The following TSC22D3 variants were observed in gnomAD, a reference collection of about 807,000 sequenced individuals.
TSC22D3 encodes TSC22 domain family member 3.
TSC22D3 carries 4 observed loss-of-function variants against 11.1 expected under a neutral mutation model. The observed-to-expected ratio is 0.36, with a 90% confidence interval of 0.18 to 0.83. The LOEUF (loss-of-function observed/expected upper bound fraction) is 0.83, where lower values mean the gene tolerates loss of function less well. Ranked by LOEUF, TSC22D3 falls within the 40% of genes least tolerant of loss-of-function variation. The pLI, the probability that TSC22D3 is intolerant of heterozygous loss-of-function variation, is 0.48. For missense variants in TSC22D3, 118 were observed against 159.4 expected, an observed-to-expected ratio of 0.74 and a Z score of 1.40; for synonymous variants, 77 against 70.3, an observed-to-expected ratio of 1.10 and a Z score of -0.48.
chrX:107,716,978 C>T (rs938198651), intron 1 of TSC22D3: 6 of 1,049,231 alleles, frequency 5.7e-6, no homozygotes, highest in East Asian at 3.7e-5. Context: ...CAAGCAGGCG[C>T]TCCAGCTGGA....
At chrX:107,716,547 C>A in intron 1 of TSC22D3, 13 of 447,745 alleles carry the variant, frequency 2.9e-5, no homozygotes, top group Non-Finnish European at 3.7e-5. Flanking sequence ...TTCCTGCGTC[C>A]CCTCCCCCCC....
At chrX:107,745,655 T>G (rs1928615246) in intron 1 of TSC22D3, among the ~76,000 whole-genome samples, 1 of 112,763 alleles carries the variant, frequency 8.9e-6, no homozygotes, top group Non-Finnish European at 1.9e-5. Flanking sequence ...AAAAGTAGCC[T>G]GCGACCTATA....
intron 1 of TSC22D3, among the ~76,000 whole-genome samples, chrX:107,752,016 A>G (rs1158366604): frequency 8.9e-6 from 1 of 112,591 alleles, no homozygotes; most frequent in Non-Finnish European, 1.9e-5. Context: ...TCACATTCGC[A>G]TTAGCAGAAA....
chrX:107,775,488 T>C lies in TSC22D3; in HGVS notation c.-69A>G. On this transcript the variant is annotated 5_prime_UTR_variant, in exon 1 of 3. Transcript: ENST00000372383. ...GCTGGCAGGTGCGCGCCCACCGAGC[T>C]GGCCTGAGGGGACTCCAGGGTGCCT... is the stretch of plus-strand genomic sequence containing the variant. 1.1e-6 allele frequency: 1 copy of C among 914,262 alleles called. No homozygotes were observed. 75.3% of individuals were successfully genotyped at this position (914,262 alleles called of 1,213,427 possible).
chrX:107,774,103 A>T (rs932918515), intron 1 of TSC22D3, among the ~76,000 whole-genome samples: 5 of 111,421 alleles, frequency 4.5e-5, no homozygotes, highest in African/African-American at 1.6e-4. Flanking sequence ...CTCTTACATA[A>T]CCTGTGTTGT....
At chrX:107,766,452 GCC>G (rs111524433) in intron 1 of TSC22D3, among the ~76,000 whole-genome samples, 6,970 of 77,429 alleles carry the variant, frequency 0.09, 361 homozygotes, top group African/African-American at 0.18. Context: ...TGGAGTTTCC[GCC>G]CCCCCCCCAA....
At chrX:107,716,358 T>A in intron 1 of TSC22D3, 1 of 915,917 alleles carries the variant, frequency 1.1e-6, no homozygotes, top group Non-Finnish European at 1.3e-6. Flanking sequence ...GCTGGTAAGC[T>A]TCCGGCCTTC....
At chrX:107,736,552 C>T (rs777807072) in intron 1 of TSC22D3, among the ~76,000 whole-genome samples, 9 of 111,797 alleles carry the variant, frequency 8.1e-5, no homozygotes, top group South Asian at 3.7e-4. Context: ...ACTTAACAGA[C>T]GAGAAAACTG....
chrX:107,774,158 G>T (rs1177628433), intron 1 of TSC22D3, among the ~76,000 whole-genome samples: 1 of 111,720 alleles, frequency 9.0e-6, no homozygotes, highest in Non-Finnish European at 1.9e-5. Context: ...CACACATGTT[G>T]GTGCCCTATC....
At chrX:107,767,066 T>A (rs1315196507) in intron 1 of TSC22D3, among the ~76,000 whole-genome samples, 5 of 110,834 alleles carry the variant, frequency 4.5e-5, no homozygotes, top group African/African-American at 9.9e-5. Context: ...ACCCCCTTCT[T>A]CCTTAGGGAT....
chrX:107,756,159 A>G (rs2147777765), intron 1 of TSC22D3, among the ~76,000 whole-genome samples: 1 of 112,170 alleles, frequency 8.9e-6, no homozygotes, highest in East Asian at 2.8e-4. Context: ...GTCTGCTAAC[A>G]CACAGTGTAG....
intron 1 of TSC22D3, among the ~76,000 whole-genome samples, chrX:107,750,156 T>C (rs1928871157): frequency 9.0e-6 from 1 of 111,165 alleles, no homozygotes; most frequent in Non-Finnish European, 1.9e-5. Flanking sequence ...AGCAACATAA[T>C]AATAAAAATG....
intron 1 of TSC22D3, among the ~76,000 whole-genome samples, chrX:107,758,879 AT>A (rs763604179): frequency 0.019 from 1,991 of 105,283 alleles, 41 homozygotes; most frequent in African/African-American, 0.063. Context: ...ATCATCCTTG[AT>A]TTTTTTTTTT....
chrX:107,744,129 G>C (rs944863180), intron 1 of TSC22D3, among the ~76,000 whole-genome samples: 2 of 111,930 alleles, frequency 1.8e-5, no homozygotes, highest in African/African-American at 6.5e-5. Flanking sequence ...CAATCAGGTC[G>C]ATCGATTTAA....
chrX:107,716,527 G>GA, intron 1 of TSC22D3: 1 of 1,006,085 alleles, frequency 9.9e-7, no homozygotes, highest in Non-Finnish European at 1.3e-6. Context: ...GAGCGGCGGT[G>GA]ACCCCCCCCT....
chrX:107,730,048 CA>C (rs1927813603), intron 1 of TSC22D3, among the ~76,000 whole-genome samples: 1 of 112,559 alleles, frequency 8.9e-6, no homozygotes, highest in South Asian at 3.6e-4. Flanking sequence ...CAAATAATAT[CA>C]GCAGCTCCCA....
intron 1 of TSC22D3, among the ~76,000 whole-genome samples, chrX:107,772,997 C>T (rs767815170): frequency 8.9e-6 from 1 of 112,734 alleles, no homozygotes; most frequent in Non-Finnish European, 1.9e-5. Flanking sequence ...TGGTTTTGAA[C>T]GCTGAGTGAG....
chrX:107,746,146 T>C (rs1928641593), intron 1 of TSC22D3, among the ~76,000 whole-genome samples: 1 of 111,631 alleles, frequency 9.0e-6, no homozygotes, highest in South Asian at 3.8e-4. Context: ...CAATTCTCAC[T>C]GGTGGAGTCA....
chrX:107,734,299 T>C lies in TSC22D3; in HGVS notation c.321-18349A>G, dbSNP rs188956441. Among the ~76,000 whole-genome samples, 4 of 112,590 alleles carry C rather than the reference T, an allele frequency of 3.6e-5. No homozygotes were observed. The East Asian group carries it at 1.1e-3, about 31-fold the overall frequency. On this transcript the variant is annotated intron_variant, in intron 1 of 2. Transcript: ENST00000372383. ...CCTATACACAGTGATGACATTCTCC[T>C]TGGCTGGAACATCTCTTGCTCTGAA...
Sources: allele counts gnomAD v4.1 joint callset (sites outside exome capture counted in the v4.1 genomes callset), GRCh38; gene constraint gnomAD v4.1.1; transcripts MANE v1.5; gene names NCBI Gene and HGNC (gene_info 2026-07-23, HGNC 2026-07-21).